Variants in TECPR1 observed in about 807,000 individuals in gnomAD.
TECPR1 encodes tectonin beta-propeller repeat-containing protein 1.
In TECPR1, 122 loss-of-function variants were observed where a neutral mutation model predicts 162.4. The ratio of observed to expected loss-of-function variants is 0.75; its 90% confidence interval spans 0.65 to 0.87. TECPR1 has a LOEUF of 0.87. Among genes scored for constraint, TECPR1 ranks in the 40% least tolerant of loss-of-function variants. The probability of loss-of-function intolerance (pLI) is 0.00; values close to 1 mark genes in which losing one functional copy is unlikely to be tolerated. For synonymous variants in TECPR1, 642 were observed against 670.6 expected, an observed-to-expected ratio of 0.96 and a Z score of 0.66; for missense variants, 1,432 against 1,618.2, an observed-to-expected ratio of 0.88 and a Z score of 1.97.
chr7:98,242,545 C>A lies in TECPR1; in HGVS notation c.657+922G>T, dbSNP rs531273231. The stretch of plus-strand genomic sequence containing the variant: ...ACCCACTCACCCACCCACCTACACA[C>A]CCATCCATCCATCCACACACCCACC... On this transcript the variant is annotated intron_variant, in intron 6 of 25. Coordinates refer to ENST00000447648, the MANE Select transcript of TECPR1 (RefSeq NM_015395.3). Among the ~76,000 whole-genome samples the A allele has an allele frequency of 3.2e-3, 470 of 146,062 alleles. 3 individuals carry two copies. The highest frequency in any genetic ancestry group is 0.011 in the African/African-American group (445 of 39,642).
intron 5 of TECPR1, 79 bp downstream of exon 5, chr7:98,244,492 G>A: frequency 6.6e-7 from 1 of 1,522,000 alleles, no homozygotes; most frequent in Non-Finnish European, 8.8e-7. Flanking sequence ...CACACAGGTG[G>A]GGAAGGTGGA....
At chr7:98,235,248 AGGCG>A (rs1798562615) in intron 10 of TECPR1, among the ~76,000 whole-genome samples, 1 of 152,194 alleles carries the variant, frequency 6.6e-6, no homozygotes, top group Admixed American at 6.5e-5. Flanking sequence ...AGCTGGGGCC[AGGCG>A]CAGTGGCTCA....
In TECPR1 at chr7:98,244,576, C is replaced by A; in HGVS notation, c.526G>T (p.Ala176Ser). The A allele has an allele frequency of 6.2e-7, 1 of 1,607,030 alleles. No homozygotes were observed. Among genetic ancestry groups the A allele is most frequent in the Non-Finnish European group, 8.5e-7 (1 of 1,175,520 alleles). The change falls in exon 5 of 26, where the codon GCC becomes TCC. Residue 176 changes from alanine (A) to serine (S), a missense_variant. Ala to Ser is a moderately conservative substitution (Grantham distance 99). Coordinates refer to ENST00000447648, the MANE Select transcript of TECPR1 (RefSeq NM_015395.3). ...CCACATTCAGGAACAGAGACCTTGG[C>A]CCAGATGTCCCGGGACTTGTATCTC... ...YRRYKSRDIW[A>S]KIPSKDDPKE... is the part of the protein sequence containing the mutation.
intron 15 of TECPR1, among the ~76,000 whole-genome samples, chr7:98,230,368 T>C (rs1430748883): frequency 6.6e-6 from 1 of 152,018 alleles, no homozygotes; most frequent in Admixed American, 6.6e-5. Context: ...CGCCCAGCCC[T>C]GCCCTCACCC....
intron 23 of TECPR1, among the ~76,000 whole-genome samples, chr7:98,219,629 C>T (rs1460215495): frequency 2.0e-5 from 3 of 152,214 alleles, no homozygotes; most frequent in African/African-American, 4.8e-5. Context: ...CGGCTGGGCG[C>T]GGTGGCTCAT....
At chr7:98,249,608 C>T (rs1799008227) in intron 2 of TECPR1, among the ~76,000 whole-genome samples, 1 of 152,092 alleles carries the variant, frequency 6.6e-6, no homozygotes, top group South Asian at 2.1e-4. Context: ...TTTCTTGTAC[C>T]ACCAAAAGCT....
At chr7:98,221,636 A>C in intron 23 of TECPR1, 25 bp downstream of exon 23, 1 of 1,609,748 alleles carries the variant, frequency 6.2e-7, no homozygotes. Flanking sequence ...CAAAACATTA[A>C]AAATTTAAAA....
intron 8 of TECPR1, among the ~76,000 whole-genome samples, chr7:98,239,650 G>C (rs1584349579): frequency 6.6e-6 from 1 of 152,190 alleles, no homozygotes; most frequent in East Asian, 1.9e-4. Flanking sequence ...TGTGGTCTCT[G>C]GGAAGTGGGG....
At chr7:98,237,380 G>A (rs746498695) in intron 9 of TECPR1, among the ~76,000 whole-genome samples, 40 of 151,820 alleles carry the variant, frequency 2.6e-4, no homozygotes, top group Admixed American at 1.2e-3. Context: ...TGAAACCTCC[G>A]CCTCCAGGGC....
In TECPR1 at chr7:98,244,662, G is replaced by C; in HGVS notation, c.440C>G (p.Thr147Ser). Residue 147 changes from threonine (T) to serine (S), a missense_variant, in exon 5 of 26, where the codon ACC becomes AGC. Physicochemically the swap from Thr to Ser is moderately conservative, Grantham distance 58. Transcript: ENST00000447648. The stretch of plus-strand genomic sequence containing the variant: ...ATTCCACTTCTTGTCTTTCGTGTAG[G>C]TGGCGGGAAAGTCGATGGCGTACGT... ...GWTYAIDFPA[T>S]YTKDKKWNSC... 1 of 1,612,602 alleles carries C rather than the reference G, an allele frequency of 6.2e-7. No individual in the cohort carries two copies. Among genetic ancestry groups the C allele is most frequent in the Non-Finnish European group, 8.5e-7 (1 of 1,179,392 alleles).
At position 98,243,547 on chromosome 7, in the gene TECPR1, CG is replaced by C; in HGVS notation, c.576del (p.Asn192LysfsTer5). 6.2e-7 allele frequency: 1 copy of C among 1,612,558 alleles called. No individual in the cohort carries two copies. The highest frequency in any genetic ancestry group is 8.5e-7 in the Non-Finnish European group (1 of 1,179,786). ...DDPKELPDPF[N>X]DLSVGGWEIT... is the part of the protein sequence containing the mutation. ...ATCTCCCAGCCCCCTACAGAGAGGT[CG>C]TTGAAGGGGTCGGGCAGCTCCTTGG... On this transcript the variant is annotated frameshift_variant, in exon 6 of 26. Coordinates refer to ENST00000447648, the MANE Select transcript of TECPR1 (RefSeq NM_015395.3). LOFTEE classifies it high-confidence loss of function.
At position 98,233,424 on chromosome 7, in the gene TECPR1, C is replaced by A; in HGVS notation, c.1669G>T (p.Ala557Ser). Residue 557 changes from alanine (A) to serine (S), a missense_variant, in exon 11 of 26, where the codon GCG (alanine) becomes TCG (serine). By Grantham distance (99) the Ala-to-Ser change is moderately conservative. Coordinates refer to ENST00000447648, the MANE Select transcript of TECPR1 (RefSeq NM_015395.3). Reference protein sequence around the residue: ...CAMPRWFTVQAGLSSSVHMLS... With the variant: ...CAMPRWFTVQSGLSSSVHMLS... ...CAGGCCCTGCAGGAGCCCTTACCCG[C>A]CTGGACAGTGAACCATCTGGGCATG... The A allele has an allele frequency of 6.2e-6, 9 of 1,453,440 alleles. No individual in the cohort carries two copies. The South Asian group carries it at 1.3e-4, about 22-fold the overall frequency. The allele number at this position is 1,453,440 out of a possible 1,614,324, so 90.0% of individuals were successfully genotyped here. A position where few individuals can be genotyped will look rare whatever the true frequency, so the allele number is the denominator to read the frequency against.
intron 8 of TECPR1, 24 bp from the exon 9 acceptor site, chr7:98,238,634 G>A (rs900944313): frequency 6.5e-7 from 1 of 1,544,794 alleles, no homozygotes; most frequent in Non-Finnish European, 8.8e-7. Flanking sequence ...AAATAAACAT[G>A]CCTTCCTGGA....
At chr7:98,250,889 C>T (rs1251296740) in intron 2 of TECPR1, 12 of 152,172 alleles carry the variant, frequency 7.9e-5, no homozygotes, top group Non-Finnish European at 1.8e-4. Flanking sequence ...TTACAAACTC[C>T]CTTCAGAGTA....
chr7:98,223,893 G>A lies in TECPR1; in HGVS notation c.2691-175C>T, dbSNP rs562624707. On this transcript the variant is annotated intron_variant, in intron 19 of 25. Transcript: ENST00000447648. Reference sequence around the variant, plus strand: ...GCGCGGCTCTCAGGAGGCGCTTCCTGGCTGCCCCGGCAGGATCAGGGTTGA... The same window carrying A: ...GCGCGGCTCTCAGGAGGCGCTTCCTAGCTGCCCCGGCAGGATCAGGGTTGA... 5.4e-5 allele frequency: 35 copies of A among 650,982 alleles called. No individual in the cohort carries two copies. The East Asian group carries it at 1.0e-3, about 19-fold the overall frequency. 40.3% of individuals were successfully genotyped at this position (650,982 alleles called of 1,614,324 possible).
chr7:98,243,640 C>A (rs760206880), intron 5 of TECPR1, 48 bp from the exon 6 acceptor site: 1 of 1,588,116 alleles, frequency 6.3e-7, no homozygotes, highest in East Asian at 2.3e-5. Flanking sequence ...CCAGTGGGCA[C>A]CTGGGCATGC....
chr7:98,221,481 A>AT, intron 23 of TECPR1, among the ~76,000 whole-genome samples, 180 bp downstream of exon 23: 1 of 62,144 alleles, frequency 1.6e-5, no homozygotes, highest in African/African-American at 3.5e-5. Flanking sequence ...TAAAAATTAA[A>AT]GTTTTTTTTT....
Position 98,217,317 on chromosome 7 carries a change from C to G in TECPR1, c.*73G>C. 9.6e-7 allele frequency: 1 copy of G among 1,041,820 alleles called. No homozygotes were observed. The highest frequency in any genetic ancestry group is 1.4e-6 in the Non-Finnish European group (1 of 726,774). 64.5% of individuals were successfully genotyped at this position (1,041,820 alleles called of 1,614,324 possible). ...CCACATTGCTCCCACGGTGCACACT[C>G]CAGCACAAGAATGGCTCAGCCTTGA... On this transcript the variant is annotated 3_prime_UTR_variant, in exon 26 of 26. Transcript: ENST00000447648.
At position 98,228,984 on chromosome 7, in the gene TECPR1, G is replaced by A. The variant is rs550792761; in HGVS notation, c.2410+55C>T. 4 of 1,569,912 alleles carry A rather than the reference G, an allele frequency of 2.5e-6. No homozygotes were observed. The East Asian group carries it at 9.1e-5, about 36-fold the overall frequency. On this transcript the variant is annotated intron_variant, in intron 16 of 25. Transcript: ENST00000447648. ...GCCTTGGGCAGGGAACCCAGACGGG[G>A]ACTAGAGGAAAGAACGCCCAGGAAG...
Sources: allele counts gnomAD v4.1 joint callset (sites outside exome capture counted in the v4.1 genomes callset), GRCh38; gene constraint gnomAD v4.1.1; transcripts MANE v1.5; gene names NCBI Gene and HGNC (gene_info 2026-07-23, HGNC 2026-07-21).